The following CCDC102B variants were observed in gnomAD, a reference collection of about 807,000 sequenced individuals.
CCDC102B encodes the protein coiled-coil domain containing 102B, also known as coiled-coil domain-containing protein 102B.
Under a neutral mutation model 57.4 loss-of-function variants are expected in CCDC102B, and 75 were observed. The observed-to-expected ratio is 1.31, with a 90% CI of 1.08 to 1.58. The LOEUF is 1.58. Ranked by LOEUF, CCDC102B falls within the 40% of genes most tolerant of loss-of-function variation. CCDC102B has a pLI of 0.00. For missense variants in CCDC102B, 636 were observed against 582.6 expected, an observed-to-expected ratio of 1.09 and a Z score of -0.94; for synonymous variants, 206 against 201.9, an observed-to-expected ratio of 1.02 and a Z score of -0.17.
chr18:68,961,993 C>G (rs887772415), intron 6 of CCDC102B, among the ~76,000 whole-genome samples: 1 of 152,028 alleles, frequency 6.6e-6, no homozygotes, highest in South Asian at 2.1e-4. Flanking sequence ...ACATGTCTTA[C>G]ACAAGTATTT....
At chr18:68,778,896 A>AC (rs397745051) in intron 2 of CCDC102B, among the ~76,000 whole-genome samples, 1 of 151,250 alleles carries the variant, frequency 6.6e-6, no homozygotes, top group Non-Finnish European at 1.5e-5. Context: ...AAAAAAAAAA[A>AC]CTGTGAAAAC....
chr18:68,780,511 A>C (rs767405917), intron 2 of CCDC102B, among the ~76,000 whole-genome samples: 4 of 151,036 alleles, frequency 2.6e-5, no homozygotes, highest in Admixed American at 2.0e-4. Flanking sequence ...ATTCACAGAC[A>C]CTAATGTGAA....
chr18:68,798,638 T>C (rs1165111100), intron 1 of CCDC102B, among the ~76,000 whole-genome samples: 2 of 152,142 alleles, frequency 1.3e-5, no homozygotes, highest in East Asian at 3.8e-4. Flanking sequence ...TTCTTTTCAA[T>C]TGTTGAGTCT....
chr18:68,865,117 C>T (rs528239282), intron 4 of CCDC102B, among the ~76,000 whole-genome samples: 1 of 152,192 alleles, frequency 6.6e-6, no homozygotes, highest in East Asian at 1.9e-4. Context: ...CAAGCCTCTT[C>T]TATTCACTCA....
At chr18:68,813,171 C>G (rs1370045878) in intron 1 of CCDC102B, among the ~76,000 whole-genome samples, 1 of 151,970 alleles carries the variant, frequency 6.6e-6, no homozygotes, top group Non-Finnish European at 1.5e-5. Flanking sequence ...AAATGTATGG[C>G]ATTTCCCACT....
chr18:68,783,268 G>T (rs1271605785), intron 2 of CCDC102B, among the ~76,000 whole-genome samples: 1 of 152,176 alleles, frequency 6.6e-6, no homozygotes, highest in Non-Finnish European at 1.5e-5. Flanking sequence ...TTCCTTAAGT[G>T]TGTTTCACTA....
intron 2 of CCDC102B, among the ~76,000 whole-genome samples, chr18:68,772,256 T>C (rs2034664735): frequency 6.6e-6 from 1 of 152,128 alleles, no homozygotes; most frequent in African/African-American, 2.4e-5. Context: ...ACTCAGTGAA[T>C]TTTTGTACTG....
At chr18:68,747,904 T>C (rs1444257367) in intron 2 of CCDC102B, among the ~76,000 whole-genome samples, 2 of 152,192 alleles carry the variant, frequency 1.3e-5, no homozygotes, top group Non-Finnish European at 2.9e-5. Flanking sequence ...CTGAATTGTA[T>C]AGTAGCTCTA....
At chr18:68,716,591 T>C (rs1314266865) in exon 2 of CCDC102B, 1 of 152,190 alleles carries the variant, frequency 6.6e-6, no homozygotes, top group East Asian at 1.9e-4. Context: ...TTGGAACAAC[T>C]GAGGTATGTG....
chr18:68,889,626 G>C (rs2040006440), intron 5 of CCDC102B, among the ~76,000 whole-genome samples: 1 of 151,964 alleles, frequency 6.6e-6, no homozygotes, highest in Non-Finnish European at 1.5e-5. Context: ...TTTCAGTAGA[G>C]ATCAGTTTCT....
chr18:68,788,299 T>C (rs1342801931), intron 2 of CCDC102B, among the ~76,000 whole-genome samples: 2 of 151,686 alleles, frequency 1.3e-5, no homozygotes, highest in East Asian at 1.9e-4. Flanking sequence ...CAAAAATGTA[T>C]ATTCTGTTGA....
chr18:68,837,934 G>A (rs2037457778), intron 2 of CCDC102B, among the ~76,000 whole-genome samples: 4 of 152,156 alleles, frequency 2.6e-5, no homozygotes, highest in Admixed American at 2.6e-4. Flanking sequence ...ATTAAGGAAT[G>A]AATCATCCTA....
chr18:68,720,892 C>G (rs753762870), intron 2 of CCDC102B, among the ~76,000 whole-genome samples: 10 of 152,064 alleles, frequency 6.6e-5, no homozygotes, highest in Non-Finnish European at 1.3e-4. Flanking sequence ...GGCAAACTAG[C>G]GAGCCCCCTG....
At chr18:68,828,378 G>A (rs1164160692) in intron 1 of CCDC102B, among the ~76,000 whole-genome samples, 3 of 136,228 alleles carry the variant, frequency 2.2e-5, no homozygotes, top group East Asian at 2.1e-4. Flanking sequence ...ATTGAAATTA[G>A]GCAGAGTATG....
At chr18:68,793,313 C>T (rs2035524369), upstream of CCDC102B, among the ~76,000 whole-genome samples, 2 of 152,082 alleles carry the variant, frequency 1.3e-5, no homozygotes, top group Admixed American at 1.3e-4. Context: ...TAGCGGAATT[C>T]AAATAGTTAC....
At position 68,884,516 on chromosome 18, in the gene CCDC102B, T is replaced by G. The variant is rs550847977; in HGVS notation, c.1053+9731T>G. 5.9e-5 allele frequency among the ~76,000 whole-genome samples: 9 copies of G among 151,418 alleles called. No individual in the cohort carries two copies. In the East Asian group the frequency reaches 1.8e-3, roughly 29 times the overall value. ...AAAAAGTGGGTCCCAGGGACATTGT[T>G]GGGGATGACGAAATGGGCAGATGTA... On this transcript the variant is annotated intron_variant, in intron 5 of 7. Transcript: ENST00000360242.
At chr18:69,000,098 G>T (rs890926391) in intron 6 of CCDC102B, among the ~76,000 whole-genome samples, 1 of 152,044 alleles carries the variant, frequency 6.6e-6, no homozygotes, top group Non-Finnish European at 1.5e-5. Flanking sequence ...TCCCTCCAAA[G>T]GCTATGTGCA....
chr18:68,732,731 A>G (rs1156954781), intron 2 of CCDC102B, among the ~76,000 whole-genome samples: 1 of 152,112 alleles, frequency 6.6e-6, no homozygotes, highest in Non-Finnish European at 1.5e-5. Context: ...GAATTCATCT[A>G]TTTAGAGTTA....
intron 6 of CCDC102B, among the ~76,000 whole-genome samples, chr18:68,898,137 G>A (rs117079556): frequency 0.012 from 1,788 of 152,096 alleles, 38 homozygotes; most frequent in East Asian, 0.081. Context: ...TCGTGTCAAT[G>A]TGCTGTAAAT....
Sources: gnomAD v4.1 joint callset for allele counts (sites outside exome capture counted in the v4.1 genomes callset) on GRCh38, gnomAD v4.1.1 for gene constraint, MANE v1.5 for transcripts, NCBI Gene and HGNC (gene_info 2026-07-23, HGNC 2026-07-21) for gene names.